Variants in IFT57 observed in about 807,000 individuals in gnomAD.
IFT57 encodes intraflagellar transport protein 57 homolog.
Under a neutral mutation model 56.8 loss-of-function variants are expected in IFT57, and 59 were observed. The ratio of observed to expected loss-of-function variants is 1.04; its 90% CI spans 0.84 to 1.29. The LOEUF (loss-of-function observed/expected upper bound fraction) is 1.29. Ranked by LOEUF, IFT57 falls within the 50% of genes most tolerant of loss-of-function variation. The probability of loss-of-function intolerance (pLI) is 0.00; values close to 1 mark genes in which losing one functional copy is unlikely to be tolerated. For synonymous variants in IFT57, 209 were observed against 186.1 expected (o/e 1.12, Z -1.00); for missense variants, 470 against 522.1 (o/e 0.90, Z 0.97).
At chr3:108,215,405 A>G (rs2080366280) in intron 3 of IFT57, among the ~76,000 whole-genome samples, 1 of 152,026 alleles carries the variant, frequency 6.6e-6, no homozygotes. Flanking sequence ...TGACAAAAAA[A>G]ATAAAAAATT....
intron 5 of IFT57, among the ~76,000 whole-genome samples, chr3:108,195,494 A>G (rs1276693437): frequency 6.6e-6 from 1 of 152,212 alleles, no homozygotes; most frequent in East Asian, 1.9e-4. Context: ...GAAGGAAATC[A>G]GTATGTTAAA....
At chr3:108,191,288 A>G (rs1043003998) in intron 6 of IFT57, among the ~76,000 whole-genome samples, 15 of 152,282 alleles carry the variant, frequency 9.9e-5, no homozygotes, top group Admixed American at 2.6e-4. Context: ...AACACTAGGC[A>G]AATATGATGT....
intron 9 of IFT57, among the ~76,000 whole-genome samples, chr3:108,164,815 C>G (rs1418435613): frequency 6.6e-6 from 1 of 152,026 alleles, no homozygotes. Flanking sequence ...TGGATTGTAA[C>G]CAAAGATCAT....
chr3:108,177,162 C>T (rs570063819), intron 6 of IFT57, among the ~76,000 whole-genome samples: 16 of 151,662 alleles, frequency 1.1e-4, no homozygotes, highest in Non-Finnish European at 2.2e-4. Flanking sequence ...GAAGGTTATT[C>T]ATATATTAAT....
chr3:108,183,132 C>T (rs778846563), intron 6 of IFT57, among the ~76,000 whole-genome samples: 1 of 151,604 alleles, frequency 6.6e-6, no homozygotes, highest in Non-Finnish European at 1.5e-5. Flanking sequence ...TTCTAGAGAA[C>T]AAGAATAAAT....
chr3:108,191,540 G>C lies in IFT57; in HGVS notation c.758C>G (p.Thr253Arg), dbSNP rs774931041. 1 of 1,597,658 alleles carries C rather than the reference G, an allele frequency of 6.3e-7. No homozygotes were observed. Among genetic ancestry groups the C allele is most frequent in the South Asian group, 1.1e-5 (1 of 88,548 alleles). The change falls in exon 6 of 11, where the codon ACG becomes AGG. Residue 253 changes from threonine to arginine, a missense_variant. Coordinates refer to ENST00000264538, the MANE Select transcript of IFT57 (RefSeq NM_018010.4). ...TGATACCTTATTGTCAGTCCTAATC[G>C]TGACTTTCAGTTGCGGTAGTACACG... is the stretch of plus-strand genomic sequence containing the variant. ...VERVLPQLKV[T>R]IRTDNKDWRI...
In IFT57 at chr3:108,162,388, C is replaced by A; in HGVS notation, c.*89G>T. ...TATATGTAAAAAAATACCCATTGAA[C>A]ATAAAATTATGTTTTGAAATCTATG... is the stretch of plus-strand genomic sequence containing the variant. On this transcript the variant is annotated 3_prime_UTR_variant, in exon 11 of 11. Coordinates refer to ENST00000264538, the MANE Select transcript of IFT57 (RefSeq NM_018010.4). 1.8e-6 allele frequency: 2 copies of A among 1,084,926 alleles called. No homozygotes were observed. The highest frequency in any genetic ancestry group is 2.6e-6 in the Non-Finnish European group (2 of 758,028). The allele number at this position is 1,084,926 out of a possible 1,614,324, so 67.2% of individuals were successfully genotyped here. A position where few individuals can be genotyped will look rare whatever the true frequency, so the allele number is the denominator to read the frequency against.
chr3:108,184,694 C>T (rs1214954501), intron 6 of IFT57, among the ~76,000 whole-genome samples: 1 of 152,030 alleles, frequency 6.6e-6, no homozygotes, highest in Non-Finnish European at 1.5e-5. Flanking sequence ...AATTTTGTAG[C>T]CACCTCTTAT....
intron 5 of IFT57, among the ~76,000 whole-genome samples, chr3:108,195,640 T>A (rs947755104): frequency 1.3e-5 from 2 of 152,088 alleles, no homozygotes; most frequent in Admixed American, 1.3e-4. Context: ...TATTTAGCCA[T>A]AAAAAGAATG....
chr3:108,210,568 A>T (rs2080338363), intron 4 of IFT57, among the ~76,000 whole-genome samples: 1 of 151,996 alleles, frequency 6.6e-6, no homozygotes, highest in Non-Finnish European at 1.5e-5. Flanking sequence ...CCTACCCTCA[A>T]GTGATCTGCC....
intron 5 of IFT57, among the ~76,000 whole-genome samples, chr3:108,203,613 A>G (rs559314640): frequency 2.6e-5 from 4 of 152,328 alleles, no homozygotes; most frequent in Admixed American, 6.5e-5. Flanking sequence ...CCATAAGTAC[A>G]AAAATAGCAC....
chr3:108,174,207 T>C (rs1237956680), intron 6 of IFT57, among the ~76,000 whole-genome samples: 3 of 151,668 alleles, frequency 2.0e-5, no homozygotes, highest in Non-Finnish European at 4.4e-5. Context: ...TTAATATAGT[T>C]ATAATGGAAA....
chr3:108,202,427 T>G (rs1328042566), intron 5 of IFT57, among the ~76,000 whole-genome samples: 1 of 152,182 alleles, frequency 6.6e-6, no homozygotes, highest in Non-Finnish European at 1.5e-5. Flanking sequence ...CGCTGAATAT[T>G]CTACTATACT....
At chr3:108,198,950 T>C (rs1308795350) in intron 5 of IFT57, among the ~76,000 whole-genome samples, 5 of 150,574 alleles carry the variant, frequency 3.3e-5, no homozygotes, top group Admixed American at 6.7e-5. Context: ...TATTATTTTA[T>C]AGATTCTATA....
intron 6 of IFT57, among the ~76,000 whole-genome samples, chr3:108,169,245 G>A (rs1296295012): frequency 6.6e-6 from 1 of 151,920 alleles, no homozygotes. Context: ...ATTAACAGTG[G>A]TGATGAGCTT....
chr3:108,220,322 C>G (rs1046213290), intron 1 of IFT57, among the ~76,000 whole-genome samples: 6 of 152,174 alleles, frequency 3.9e-5, no homozygotes, highest in African/African-American at 1.4e-4. Context: ...TCACTAGCAA[C>G]AACATTCAAG....
Position 108,162,340 on chromosome 3 carries a change from C to A in IFT57, c.*137G>T. 1 of 576,902 alleles carries A rather than the reference C, an allele frequency of 1.7e-6. No homozygotes were observed. The highest frequency in any genetic ancestry group is 3.0e-6 in the Non-Finnish European group (1 of 337,812). The allele number at this position is 576,902 out of a possible 1,614,324, so 35.7% of individuals were successfully genotyped here. A position where few individuals can be genotyped will look rare whatever the true frequency, so the allele number is the denominator to read the frequency against. On this transcript the variant is annotated 3_prime_UTR_variant, in exon 11 of 11. Coordinates refer to ENST00000264538, the MANE Select transcript of IFT57 (RefSeq NM_018010.4). ...GTAAAGGCTTTAACCATCATAATCA[C>A]CATGATATAATATGTGAGTATGTAT...
At chr3:108,199,982 C>T (rs556587265) in intron 5 of IFT57, among the ~76,000 whole-genome samples, 7 of 152,116 alleles carry the variant, frequency 4.6e-5, no homozygotes, top group Admixed American at 6.6e-5. Flanking sequence ...GTTTGAAAGC[C>T]TATGAGGGCA....
rs1373137771 is a variant in IFT57, at chr3:108,161,364, T to C, written c.*1113A>G. The C allele has an allele frequency of 6.6e-6, 1 of 152,082 alleles. No homozygotes were observed. The highest frequency in any genetic ancestry group is 1.9e-4 in the East Asian group (1 of 5,202). The allele number at this position is 152,082 out of a possible 1,614,324, so 9.4% of individuals were successfully genotyped here. A position where few individuals can be genotyped will look rare whatever the true frequency, so the allele number is the denominator to read the frequency against. Reference sequence around the variant, plus strand: ...GGTCTAGTAAGGAAAGGGAAAGATCTGTGTATGTGAGCATGTTGGGGAATA... The same window carrying C: ...GGTCTAGTAAGGAAAGGGAAAGATCCGTGTATGTGAGCATGTTGGGGAATA... On this transcript the variant is annotated 3_prime_UTR_variant, in exon 11 of 11. Coordinates refer to ENST00000264538, the MANE Select transcript of IFT57 (RefSeq NM_018010.4).
Sources: allele counts gnomAD v4.1 joint callset (sites outside exome capture counted in the v4.1 genomes callset), GRCh38; gene constraint gnomAD v4.1.1; transcripts MANE v1.5; gene names NCBI Gene and HGNC (gene_info 2026-07-23, HGNC 2026-07-21).